Variants in SSH1 observed in about 807,000 individuals in gnomAD.
The protein encoded by SSH1 is protein phosphatase Slingshot homolog 1.
Under a neutral mutation model 79.7 loss-of-function variants are expected in SSH1, and 43 were observed. The ratio of observed to expected loss-of-function variants is 0.54; its 90% confidence interval spans 0.42 to 0.70. SSH1 has a LOEUF of 0.70. Ranked by LOEUF, SSH1 falls within the 30% of genes least tolerant of loss-of-function variation. The pLI, the probability that SSH1 is intolerant of heterozygous loss-of-function variation, is 0.00. For synonymous variants in SSH1, 599 were observed against 538.3 expected, an observed-to-expected ratio of 1.11 and a Z score of -1.56; for missense variants, 1,206 against 1,358.8, an observed-to-expected ratio of 0.89 and a Z score of 1.77.
chr12:108,796,508 C>T (rs561174303), intron 13 of SSH1, among the ~76,000 whole-genome samples: 5 of 152,334 alleles, frequency 3.3e-5, no homozygotes, highest in South Asian at 2.1e-4. Context: ...TCATGACTGT[C>T]GTAGCCTGTG....
At chr12:108,836,654 A>G (rs760566831) in intron 2 of SSH1, among the ~76,000 whole-genome samples, 1 of 152,232 alleles carries the variant, frequency 6.6e-6, no homozygotes, top group Non-Finnish European at 1.5e-5. Context: ...GGATATTAAC[A>G]TAATTTTAAA....
chr12:108,814,736 A>G (rs1474836594), intron 5 of SSH1, among the ~76,000 whole-genome samples: 1 of 152,018 alleles, frequency 6.6e-6, no homozygotes, highest in Non-Finnish European at 1.5e-5. Context: ...GGGTGCAGAG[A>G]CTCGAACTTG....
chr12:108,793,829 GT>G (rs1408616466), intron 13 of SSH1, among the ~76,000 whole-genome samples: 7 of 152,226 alleles, frequency 4.6e-5, no homozygotes, highest in Non-Finnish European at 1.0e-4. Context: ...AGAGGTAAAT[GT>G]AAGAGCACAG....
At chr12:108,827,860 C>T (rs1013041954) in intron 2 of SSH1, among the ~76,000 whole-genome samples, 12 of 152,342 alleles carry the variant, frequency 7.9e-5, no homozygotes, top group African/African-American at 2.9e-4. Context: ...AGCACGGTTA[C>T]ATCCTGAAAA....
chr12:108,827,812 G>A (rs1342922247), intron 2 of SSH1, among the ~76,000 whole-genome samples: 2 of 152,182 alleles, frequency 1.3e-5, no homozygotes, highest in African/African-American at 4.8e-5. Flanking sequence ...TGACGGTGAC[G>A]TGGGCAGCTG....
rs748914684 is a variant in SSH1, at chr12:108,857,410, G to A, written c.69+18C>T. 4.8e-6 allele frequency: 5 copies of A among 1,035,006 alleles called. No individual in the cohort carries two copies. The South Asian group carries it at 1.3e-4, about 26-fold the overall frequency. The allele number at this position is 1,035,006 out of a possible 1,614,324, so 64.1% of individuals were successfully genotyped here. ...GCGTCCGGCGGCCCAGGCCGGGCGC[G>A]GCGAGCCCGGGGCTCACCTCGCTGT... On this transcript the variant is annotated intron_variant, in intron 1 of 14. Coordinates refer to ENST00000326495, the MANE Select transcript of SSH1 (RefSeq NM_018984.4). This position sits in a 1 kb window ranked among gnomAD's most constrained non-coding sequence, Gnocchi z 4.7.
rs558982515 is a variant in SSH1 at position 108,822,609 on chromosome 12, G to C, written c.214+649C>G. Among the ~76,000 whole-genome samples the C allele has an allele frequency of 4.5e-4, 69 of 152,272 alleles. 2 individuals carry two copies. Among genetic ancestry groups the C allele is most frequent in the African/African-American group, 1.4e-3 (60 of 41,550 alleles). On this transcript the variant is annotated intron_variant, in intron 3 of 14. Transcript: ENST00000326495. ...TTACAGGTGTGAGATACCATGCAGG[G>C]CCACGCAAGCATTTCTTGAATTCCT...
At chr12:108,840,196 C>T (rs1480730681) in intron 2 of SSH1, among the ~76,000 whole-genome samples, 1 of 152,106 alleles carries the variant, frequency 6.6e-6, no homozygotes, top group Non-Finnish European at 1.5e-5. Flanking sequence ...AGCAGGAGCC[C>T]CCGCACCCTC....
intron 2 of SSH1, among the ~76,000 whole-genome samples, chr12:108,835,148 T>C (rs2038569186): frequency 6.6e-6 from 1 of 152,206 alleles, no homozygotes; most frequent in Non-Finnish European, 1.5e-5. Flanking sequence ...TCCCTCTCAG[T>C]GCCCAGAAAA....
rs75353889 is a variant in SSH1 at position 108,828,134 on chromosome 12, G to C, written c.111-4773C>G. Reference sequence around the variant, plus strand: ...AGAATGGAATAAGTACCCTAAGAAAGGGGCTCGGCTAGGGTTTACAAGAGG... The same window carrying C: ...AGAATGGAATAAGTACCCTAAGAAACGGGCTCGGCTAGGGTTTACAAGAGG... On this transcript the variant is annotated intron_variant, in intron 2 of 14. Transcript: ENST00000326495. 3.9e-3 allele frequency among the ~76,000 whole-genome samples: 591 copies of C among 152,288 alleles called. 41 individuals are homozygous for C. In the East Asian group the frequency reaches 0.11, roughly 27 times the overall value.
intron 2 of SSH1, among the ~76,000 whole-genome samples, chr12:108,829,186 G>C (rs1226734409): frequency 6.6e-6 from 1 of 152,088 alleles, no homozygotes; most frequent in Non-Finnish European, 1.5e-5. Flanking sequence ...AAATTAGCCA[G>C]GTGTGGTGGT....
At position 108,792,369 on chromosome 12, in the gene SSH1, G is replaced by A. The variant is rs373677860; in HGVS notation, c.1810C>T (p.Leu604Phe). The A allele has an allele frequency of 2.5e-6, 4 of 1,614,052 alleles. No homozygotes were observed. In the African/African-American group the frequency reaches 4.0e-5, roughly 16 times the overall value. Residue 604 changes from leucine (L) to phenylalanine (F), a missense_variant, in exon 14 of 15, where the codon CTT becomes TTT. Leu to Phe is a conservative substitution (Grantham distance 22, BLOSUM62 0). Transcript: ENST00000326495. ...AGGTTTTGATCGAGCTGGGTTGGAA[G>A]CTGCCCCCACCTCCCTGCTCCCAGG... ...EGLGAGRWGQ[L>F]PTQLDQNLLN...
At chr12:108,829,671 A>G (rs1185736730) in intron 2 of SSH1, among the ~76,000 whole-genome samples, 1 of 152,188 alleles carries the variant, frequency 6.6e-6, no homozygotes, top group African/African-American at 2.4e-5. Context: ...GGAATATCCA[A>G]ACACCCCTGA....
rs2036163852 is a variant in SSH1 at position 108,782,666 on chromosome 12, T to A, written c.*5322A>T. 1 of 152,092 alleles carries A rather than the reference T, an allele frequency of 6.6e-6. No individual in the cohort carries two copies. Among genetic ancestry groups the A allele is most frequent in the African/African-American group, 2.4e-5 (1 of 41,390 alleles). 9.4% of individuals were successfully genotyped at this position (152,092 alleles called of 1,614,324 possible). On this transcript the variant is annotated 3_prime_UTR_variant, in exon 15 of 15. Transcript: ENST00000326495. Reference sequence around the variant, plus strand: ...GTTTTGGCAAGGGCTGAGGAAGCAGTTTCCTTTTATATAAACTCAGTCATC... The same window carrying A: ...GTTTTGGCAAGGGCTGAGGAAGCAGATTCCTTTTATATAAACTCAGTCATC...
intron 2 of SSH1, among the ~76,000 whole-genome samples, chr12:108,847,494 C>T (rs182830823): frequency 2.0e-5 from 3 of 152,286 alleles, no homozygotes; most frequent in Non-Finnish European, 4.4e-5. Flanking sequence ...GACAGAGTCT[C>T]GCTCTGTTGC....
intron 7 of SSH1, among the ~76,000 whole-genome samples, chr12:108,808,063 G>A (rs1006435676): frequency 2.6e-5 from 4 of 152,082 alleles, no homozygotes; most frequent in Non-Finnish European, 5.9e-5. Flanking sequence ...TCAGCCTCCC[G>A]AGCAGCTGGG....
chr12:108,791,928 C>T, intron 14 of SSH1: 1 of 1,306,168 alleles, frequency 7.7e-7, no homozygotes. Context: ...CTGAAGTTGG[C>T]TGATAAATTA....
rs968212743 is a variant in SSH1 at position 108,781,244 on chromosome 12, C to A, written c.*6744G>T. 1 of 151,760 alleles carries A rather than the reference C, an allele frequency of 6.6e-6. No individual in the cohort carries two copies. The highest frequency in any genetic ancestry group is 1.5e-5 in the Non-Finnish European group (1 of 68,004). The allele number at this position is 151,760 out of a possible 1,614,324, so 9.4% of individuals were successfully genotyped here. A position where few individuals can be genotyped will look rare whatever the true frequency, so the allele number is the denominator to read the frequency against. Reference sequence around the variant, plus strand: ...GACCAGTCTGGGCAACATAGTGAGACCCTATCTTTTAAATAAATAAATAAA... The same window carrying A: ...GACCAGTCTGGGCAACATAGTGAGAACCTATCTTTTAAATAAATAAATAAA... On this transcript the variant is annotated 3_prime_UTR_variant, in exon 15 of 15. Transcript: ENST00000326495.
At chr12:108,855,527 C>G (rs1195508323) in intron 1 of SSH1, among the ~76,000 whole-genome samples, 2 of 152,092 alleles carry the variant, frequency 1.3e-5, no homozygotes, top group African/African-American at 4.8e-5. Flanking sequence ...CCTTAAAATG[C>G]GTAAGACAAG....
Sources: gnomAD v4.1 joint callset for allele counts (sites outside exome capture counted in the v4.1 genomes callset) on GRCh38, gnomAD v4.1.1 for gene constraint, Gnocchi (gnomAD v3.1) non-coding constraint, MANE v1.5 for transcripts, NCBI Gene and HGNC (gene_info 2026-07-23, HGNC 2026-07-21) for gene names.